The following DNHD1 variants were observed in gnomAD, a reference collection of about 807,000 sequenced individuals.
DNHD1 encodes dynein heavy chain domain-containing protein 1.
DNHD1 carries 383 observed loss-of-function variants against 458.1 expected under a neutral mutation model. That is an observed-to-expected ratio of 0.84 (90% CI 0.77 to 0.91). The LOEUF is 0.91. Among genes scored for constraint, DNHD1 ranks in the 40% least tolerant of loss-of-function variants. DNHD1 has a pLI of 0.00. For missense variants in DNHD1, 5,336 were observed against 5,866.1 expected (o/e 0.91, Z 2.95); for synonymous variants, 2,203 against 2,376.9 (o/e 0.93, Z 2.13).
intron 10 of DNHD1, 94 bp from the exon 11 acceptor site, chr11:6,528,404 GGTGTGTGTGTGTGTGTGTGTGTGT>G: frequency 1.1e-6 from 1 of 880,198 alleles, no homozygotes; most frequent in Non-Finnish European, 1.7e-6. Context: ...GCAGCGAATG[GGTGTGTGTGTGTGTGTGTGTGTGT>G]GTGTGTGTAC....
rs544585664 is a variant in DNHD1, at chr11:6,571,707, G to A, written c.13983G>A (p.Ala4661=). The part of the protein sequence containing the change: ...LLLIGLQVLH[A]EWDPIAGALQ... ...TGATCGGGCTACAGGTCCTACATGC[G>A]GAGTGGGACCCAATAGCTGGAGCCT... Residue 4661 remains alanine, a synonymous_variant, in exon 43 of 43, where the codon GCG becomes GCA. Transcript: ENST00000254579. This position sits in a 1 kb window ranked among gnomAD's most constrained non-coding sequence, Gnocchi z 5.0. 186 of 1,612,162 alleles carry A rather than the reference G, an allele frequency of 1.2e-4. No homozygotes were observed. The highest frequency in any genetic ancestry group is 1.5e-4 in the Non-Finnish European group (172 of 1,179,122).
chr11:6,564,849 G>A, intron 32 of DNHD1, 45 bp downstream of exon 32: 1 of 1,404,376 alleles, frequency 7.1e-7, no homozygotes, highest in Non-Finnish European at 9.5e-7. Flanking sequence ...TATCTGAACT[G>A]CCCAACACTC....
Position 6,571,711 on chromosome 11 carries a change from TG to T in DNHD1, c.13990del (p.Asp4664ThrfsTer3). On this transcript the variant is annotated frameshift_variant, in exon 43 of 43. Coordinates refer to ENST00000254579, the MANE Select transcript of DNHD1 (RefSeq NM_144666.3). LOFTEE classifies it high-confidence loss of function. This position sits in a 1 kb window ranked among gnomAD's most constrained non-coding sequence, Gnocchi z 5.0. ...CGGGCTACAGGTCCTACATGCGGAG[TG>T]GGACCCAATAGCTGGAGCCTTGCAG... ...LIGLQVLHAE[W>X]DPIAGALQDS... The T allele has an allele frequency of 6.2e-7, 1 of 1,612,202 alleles. No homozygotes were observed. The highest frequency in any genetic ancestry group is 2.2e-5 in the East Asian group (1 of 44,798).
intron 7 of DNHD1, among the ~76,000 whole-genome samples, chr11:6,514,426 AAC>A (rs1243634884): frequency 6.6e-6 from 1 of 151,502 alleles, no homozygotes; most frequent in Non-Finnish European, 1.5e-5. Context: ...CATTCTCACC[AAC>A]ACTTATTTTT....
rs895774679 is a variant in DNHD1 at position 6,559,126 on chromosome 11, C to T, written c.9416+20C>T. 6.4e-6 allele frequency: 10 copies of T among 1,551,556 alleles called. No individual in the cohort carries two copies. The highest frequency in any genetic ancestry group is 5.9e-5 in the Admixed American group (3 of 50,988). ...CCAGCGGTGAGTGTCCCGTCCCCTG[C>T]AGTGTACCTCCTTCTGCTCCTTTGG... is the stretch of plus-strand genomic sequence containing the variant. On this transcript the variant is annotated intron_variant, in intron 27 of 42. Transcript: ENST00000254579.
At chr11:6,517,831 T>C (rs1024562713) in intron 7 of DNHD1, among the ~76,000 whole-genome samples, 3 of 152,116 alleles carry the variant, frequency 2.0e-5, no homozygotes, top group Non-Finnish European at 2.9e-5. Flanking sequence ...GCCATAGCAC[T>C]ACTTAAAATT....
chr11:6,511,318 G>A lies in DNHD1; in HGVS notation c.1281G>A (p.Leu427=). The change falls in exon 7 of 43, where the codon CTG becomes CTA. Residue 427 remains leucine (L), a synonymous_variant. Transcript: ENST00000254579. ...CTGTGTCCTGGCTACCCCAGGAACT[G>A]GATCGGTGCTATGAGCTGCTGGACC... ...LHSVSWLPQE[L]DRCYELLDLQ... The A allele has an allele frequency of 3.1e-6, 5 of 1,614,226 alleles. 1 individual carries two copies. The South Asian group carries it at 5.5e-5, about 18-fold the overall frequency.
chr11:6,537,981 G>A (rs1374846726), intron 14 of DNHD1, among the ~76,000 whole-genome samples: 1 of 152,148 alleles, frequency 6.6e-6, no homozygotes, highest in African/African-American at 2.4e-5. Context: ...AAGCTGGTGA[G>A]GGCATGAGCC....
In DNHD1 at chr11:6,545,702, T is replaced by G. The variant is rs926897149; in HGVS notation, c.4763T>G (p.Leu1588Arg). 1 of 1,551,726 alleles carries G rather than the reference T, an allele frequency of 6.4e-7. No individual in the cohort carries two copies. Among genetic ancestry groups the G allele is most frequent in the Non-Finnish European group, 8.7e-7 (1 of 1,147,004 alleles). The change falls in exon 21 of 43, where the codon CTG becomes CGG. Residue 1588 changes from leucine (L) to arginine (R), a missense_variant. Leu to Arg is a moderately radical substitution (Grantham distance 102, BLOSUM62 -2). Transcript: ENST00000254579. The surrounding 1 kb of genome is among the most constrained non-coding windows in gnomAD (Gnocchi z 4.9). The part of the protein sequence containing the change: ...AVTHRDIAQL[L>R]EQHQVSDLTD... The stretch of plus-strand genomic sequence containing the variant: ...ACTCACCGGGATATAGCACAGCTGC[T>G]GGAACAGCACCAGGTCAGTGATCTC...
rs1056212042 is a variant in DNHD1, at chr11:6,545,942, G to A, written c.5003G>A (p.Arg1668Gln). ...LGPLPSLLPE[R>Q]PALVLLLALE... Reference sequence around the variant, plus strand: ...CCTCTACCCAGCCTACTGCCTGAACGGCCAGCCCTGGTACTATTATTGGCC... The same window carrying A: ...CCTCTACCCAGCCTACTGCCTGAACAGCCAGCCCTGGTACTATTATTGGCC... Residue 1668 changes from arginine (R) to glutamine (Q), a missense_variant, in exon 21 of 43, where the codon CGG becomes CAG. Physicochemically the swap from Arg to Gln is conservative, Grantham distance 43. This residue lies in a region of DNHD1 where 3,932 missense variants were observed against 4,365.6 expected (regional missense o/e 0.90). Transcript: ENST00000254579. The surrounding 1 kb of genome is among the most constrained non-coding windows in gnomAD (Gnocchi z 4.9). 4.5e-6 allele frequency: 7 copies of A among 1,551,636 alleles called. No individual in the cohort carries two copies. The highest frequency in any genetic ancestry group is 5.2e-6 in the Non-Finnish European group (6 of 1,147,006).
rs1197860750 is a variant in DNHD1 at position 6,538,693 on chromosome 11, A to G, written c.3208A>G (p.Ser1070Gly). The G allele has an allele frequency of 7.7e-6, 12 of 1,549,988 alleles. No individual in the cohort carries two copies. The highest frequency in any genetic ancestry group is 7.3e-5 in the East Asian group (3 of 40,856). Reference protein sequence around the residue: ...ARMSTTLELHSPVLQHCMRIL... With the variant: ...ARMSTTLELHGPVLQHCMRIL... ...GATGAGCACAACCCTGGAGCTGCAC[A>G]GCCCCGTGCTGCAGCACTGCATGCG... The change falls in exon 16 of 43, where the codon AGC (serine) becomes GGC (glycine). Residue 1070 changes from serine (S) to glycine (G), a missense_variant. Ser to Gly is a moderately conservative substitution (Grantham distance 56). This residue lies in a region of DNHD1 where 3,932 missense variants were observed against 4,365.6 expected (regional missense o/e 0.90). Transcript: ENST00000254579.
At position 6,565,736 on chromosome 11, in the gene DNHD1, G is replaced by A; in HGVS notation, c.10798G>A (p.Asp3600Asn). 1 of 1,550,840 alleles carries A rather than the reference G, an allele frequency of 6.4e-7. No individual in the cohort carries two copies. Among genetic ancestry groups the A allele is most frequent in the East Asian group, 2.4e-5 (1 of 40,916 alleles). Residue 3600 changes from aspartate to asparagine, a missense_variant, in exon 33 of 43, where the codon GAC becomes AAC. Coordinates refer to ENST00000254579, the MANE Select transcript of DNHD1 (RefSeq NM_144666.3). ...AAATCAAAAGAGAGAGAGTAAAACG[G>A]ACATGAAAGAGGAAGATGATGAGAG... ...MRNQKRESKT[D>N]MKEEDDESEE...
chr11:6,523,300 G>A (rs971060854), intron 10 of DNHD1, among the ~76,000 whole-genome samples: 1 of 152,192 alleles, frequency 6.6e-6, no homozygotes, highest in African/African-American at 2.4e-5. Flanking sequence ...CACAGGGAAG[G>A]TCTCTTTGGA....
At chr11:6,539,376 T>G in intron 17 of DNHD1, 63 bp downstream of exon 17, 1 of 1,250,636 alleles carries the variant, frequency 8.0e-7, no homozygotes, top group Non-Finnish European at 1.1e-6. Context: ...ATAAAGCCAG[T>G]CAAGGGTGGT....
At position 6,547,146 on chromosome 11, in the gene DNHD1, C is replaced by T. The variant is rs1378216135; in HGVS notation, c.6207C>T (p.Gly2069=). 5 of 1,551,720 alleles carry T rather than the reference C, an allele frequency of 3.2e-6. No individual in the cohort carries two copies. Among genetic ancestry groups the T allele is most frequent in the Non-Finnish European group, 4.4e-6 (5 of 1,146,996 alleles). The change falls in exon 21 of 43, where the codon GGC becomes GGT. Residue 2069 remains glycine, a synonymous_variant. Transcript: ENST00000254579. Reference sequence around the variant, plus strand: ...CAGCCGGTCAGTGTAACAACATGGGCCAAAAGAGGCAGACAGAGGAATCAA... The same window carrying T: ...CAGCCGGTCAGTGTAACAACATGGGTCAAAAGAGGCAGACAGAGGAATCAA... ...LRAAGQCNNM[G]QKRQTEESIG...
At chr11:6,518,342 A>G (rs561969244) in intron 7 of DNHD1, among the ~76,000 whole-genome samples, 1 of 152,330 alleles carries the variant, frequency 6.6e-6, no homozygotes, top group South Asian at 2.1e-4. Context: ...GATTACAAGC[A>G]TGAGCCACTG....
In DNHD1 at chr11:6,567,108, C is replaced by G; in HGVS notation, c.11599C>G (p.Leu3867Val). Reference protein sequence around the residue: ...GMAMVKALSQLQNLLPLFCMS... With the variant: ...GMAMVKALSQVQNLLPLFCMS... ...GGCCATGGTAAAGGCCCTAAGCCAA[C>G]TGCAGAACCTGCTGCCACTTTTCTG... is the stretch of plus-strand genomic sequence containing the variant. The change falls in exon 36 of 43, where the codon CTG becomes GTG. Residue 3867 changes from leucine (L) to valine (V), a missense_variant. By Grantham distance (32) the Leu-to-Val change is conservative. Around this residue, in one of 4 missense-constraint regions of DNHD1, gnomAD observed 695 missense variants for 804.2 expected, o/e 0.86. Transcript: ENST00000254579. 1 of 1,614,070 alleles carries G rather than the reference C, an allele frequency of 6.2e-7. No individual in the cohort carries two copies.
chr11:6,502,787 G>C lies in DNHD1; in HGVS notation c.781G>C (p.Ala261Pro). 6.2e-7 allele frequency: 1 copy of C among 1,607,256 alleles called. No individual in the cohort carries two copies. Among genetic ancestry groups the C allele is most frequent in the Non-Finnish European group, 8.5e-7 (1 of 1,177,340 alleles). Reference sequence around the variant, plus strand: ...TGACTATGAAGTTCCCAGGGAAAAGGCCTTCCAAAAGAGCAGCACCGGCTT... The same window carrying C: ...TGACTATGAAGTTCCCAGGGAAAAGCCCTTCCAAAAGAGCAGCACCGGCTT... ...QLDYEVPREK[A>P]FQKSSTGFSP... The change falls in exon 4 of 43, where the codon GCC becomes CCC. Residue 261 changes from alanine to proline, a missense_variant. Physicochemically the swap from Ala to Pro is conservative, Grantham distance 27 (BLOSUM62 -1). This residue lies in a region of DNHD1 where 3,932 missense variants were observed against 4,365.6 expected (regional missense o/e 0.90). Coordinates refer to ENST00000254579, the MANE Select transcript of DNHD1 (RefSeq NM_144666.3).
In DNHD1 at chr11:6,557,344, G is replaced by T. The variant is rs960397158; in HGVS notation, c.8049G>T (p.Gly2683=). Residue 2683 remains glycine, a synonymous_variant, in exon 25 of 43, where the codon GGG becomes GGT. Coordinates refer to ENST00000254579, the MANE Select transcript of DNHD1 (RefSeq NM_144666.3). ...LVVAQSVFCC[G]PGPQHLGKDH... is the part of the protein sequence containing the mutation. The stretch of plus-strand genomic sequence containing the variant: ...TAGCTCAAAGTGTCTTCTGCTGTGG[G>T]CCAGGGCCCCAGCACCTGGGCAAGG... 2.6e-6 allele frequency: 4 copies of T among 1,551,294 alleles called. No homozygotes were observed. The African/African-American group carries it at 4.1e-5, about 16-fold the overall frequency.
Sources: allele counts gnomAD v4.1 joint callset (sites outside exome capture counted in the v4.1 genomes callset), GRCh38; gene constraint gnomAD v4.1.1; regional missense constraint gnomAD v4.1.1; non-coding constraint Gnocchi (gnomAD v3.1); transcripts MANE v1.5; gene names NCBI Gene and HGNC (gene_info 2026-07-23, HGNC 2026-07-21).